CTNNA3: variants seen among roughly 807,000 people sequenced by gnomAD.
CTNNA3 encodes the protein catenin alpha-3.
In CTNNA3, 76 loss-of-function variants were observed where a neutral mutation model predicts 95.7. The ratio of observed to expected loss-of-function variants is 0.79; its 90% CI spans 0.66 to 0.96. The LOEUF (loss-of-function observed/expected upper bound fraction) is 0.96, where lower values mean the gene tolerates loss of function less well. Ranked by LOEUF, CTNNA3 falls within the 40% of genes least tolerant of loss-of-function variation. CTNNA3 has a pLI of 0.00. For missense variants in CTNNA3, 1,191 were observed against 1,089.8 expected (o/e 1.09, Z -1.31); for synonymous variants, 431 against 374.4 (o/e 1.15, Z -1.74).
At chr10:66,685,055 A>C (rs4520483) in intron 9 of CTNNA3, among the ~76,000 whole-genome samples, 82,574 of 149,542 alleles carry the variant, frequency 0.55, 23,500 homozygotes, top group African/African-American at 0.68. Context: ...CATTTGCTAC[A>C]TATAAAAATG....
chr10:67,717,193 G>C (rs2133616006), intron 1 of CTNNA3, among the ~76,000 whole-genome samples: 2 of 152,148 alleles, frequency 1.3e-5, no homozygotes, highest in South Asian at 4.2e-4. Context: ...ATTTCTTTAA[G>C]TTCCTTGTAG....
chr10:65,977,740 C>CA (rs1478580274), intron 16 of CTNNA3, among the ~76,000 whole-genome samples: 1 of 151,802 alleles, frequency 6.6e-6, no homozygotes, highest in African/African-American at 2.4e-5. Context: ...GACATCGTGC[C>CA]ACTACACTCC....
chr10:66,057,213 A>G (rs2133558042), intron 15 of CTNNA3, among the ~76,000 whole-genome samples: 1 of 152,284 alleles, frequency 6.6e-6, no homozygotes, highest in East Asian at 1.9e-4. Context: ...TAAAGTCTGG[A>G]TGAGCAGTCC....
At chr10:66,630,595 C>T (rs1488322382) in intron 9 of CTNNA3, among the ~76,000 whole-genome samples, 2 of 152,132 alleles carry the variant, frequency 1.3e-5, no homozygotes, top group African/African-American at 2.4e-5. Context: ...CTTCCATAGA[C>T]AAATCCAAGA....
chr10:66,155,887 C>T (rs1262161022), intron 13 of CTNNA3, among the ~76,000 whole-genome samples: 3 of 151,440 alleles, frequency 2.0e-5, no homozygotes, highest in Non-Finnish European at 4.4e-5. Flanking sequence ...GTGTGAGGAG[C>T]GTTTCCCAGA....
At position 66,841,240 on chromosome 10, in the gene CTNNA3, C is replaced by T. The variant is rs149659195; in HGVS notation, c.1048-65716G>A. On this transcript the variant is annotated intron_variant, in intron 7 of 17. Transcript: ENST00000433211. ...TTAGAAGTGTCTATTTACTTACAAA[C>T]GGTGTAACTGCAGTATATGTAGGGT... Among the ~76,000 whole-genome samples the T allele has an allele frequency of 5.3e-3, 810 of 152,148 alleles. 8 individuals are homozygous for T. Among genetic ancestry groups the T allele is most frequent in the African/African-American group, 0.018 (744 of 41,472 alleles).
chr10:66,373,843 TG>T (rs2092772457), intron 12 of CTNNA3, among the ~76,000 whole-genome samples: 1 of 152,224 alleles, frequency 6.6e-6, no homozygotes, highest in South Asian at 2.1e-4. Context: ...ACAATATTCA[TG>T]ATCAATTGTT....
At chr10:67,134,067 C>A (rs1259591014) in intron 7 of CTNNA3, among the ~76,000 whole-genome samples, 9 of 152,026 alleles carry the variant, frequency 5.9e-5, no homozygotes, top group African/African-American at 2.2e-4. Flanking sequence ...AGTCAGTAGC[C>A]GAACTGGGAT....
intron 4 of CTNNA3, among the ~76,000 whole-genome samples, chr10:67,532,195 C>T (rs1840349450): frequency 6.6e-6 from 1 of 152,158 alleles, no homozygotes. Flanking sequence ...TATGCTTTTA[C>T]ATATTTTGCC....
At chr10:66,232,832 T>C (rs1198001485) in intron 13 of CTNNA3, among the ~76,000 whole-genome samples, 1 of 152,158 alleles carries the variant, frequency 6.6e-6, no homozygotes. Context: ...GAAAATTGTA[T>C]CTTAACTTTT....
intron 1 of CTNNA3, among the ~76,000 whole-genome samples, chr10:67,686,163 A>G (rs1009104240): frequency 6.6e-6 from 1 of 152,224 alleles, no homozygotes; most frequent in South Asian, 2.1e-4. Context: ...TTAGATAAGC[A>G]TACTTGCTAT....
chr10:66,243,456 A>G (rs2090185002), intron 13 of CTNNA3, among the ~76,000 whole-genome samples: 1 of 151,862 alleles, frequency 6.6e-6, no homozygotes, highest in African/African-American at 2.4e-5. Flanking sequence ...GGTCTCCCAA[A>G]CCCCTTATCT....
rs764245184 is a variant in CTNNA3 at position 65,920,623 on chromosome 10, G to C, written c.2401-6C>G. Reference sequence around the variant, plus strand: ...AGGGATGTGACACTGTCCAACTGTAGGGAAAAAAGAGAAAAAAGAGCTATT... The same window carrying C: ...AGGGATGTGACACTGTCCAACTGTACGGAAAAAAGAGAAAAAAGAGCTATT... On this transcript the variant is annotated splice_polypyrimidine_tract_variant and splice_region_variant and intron_variant, in intron 17 of 17. Transcript: ENST00000433211. The C allele has an allele frequency of 6.3e-7, 1 of 1,598,376 alleles. No homozygotes were observed. Among genetic ancestry groups the C allele is most frequent in the East Asian group, 2.2e-5 (1 of 44,596 alleles).
At chr10:66,303,554 C>T (rs959960698) in intron 12 of CTNNA3, among the ~76,000 whole-genome samples, 13 of 151,790 alleles carry the variant, frequency 8.6e-5, no homozygotes, top group Admixed American at 5.9e-4. Context: ...ATTGGTTAGG[C>T]ATATGAAGTG....
At chr10:66,932,024 A>AG (rs1003193265) in intron 7 of CTNNA3, among the ~76,000 whole-genome samples, 4 of 152,152 alleles carry the variant, frequency 2.6e-5, no homozygotes, top group Admixed American at 6.5e-5. Context: ...GTGTCAAAGG[A>AG]GGGGGGCCTC....
At chr10:66,085,925 C>T (rs977108059) in intron 14 of CTNNA3, among the ~76,000 whole-genome samples, 3 of 152,156 alleles carry the variant, frequency 2.0e-5, no homozygotes, top group Admixed American at 6.6e-5. Flanking sequence ...CACCCCTTTG[C>T]TGCTGCAAGA....
At chr10:66,349,173 C>T (rs922068899) in intron 12 of CTNNA3, among the ~76,000 whole-genome samples, 3 of 152,062 alleles carry the variant, frequency 2.0e-5, no homozygotes, top group Non-Finnish European at 2.9e-5. Context: ...GGAAATCATA[C>T]AGCAAAACCT....
chr10:65,987,754 C>A (rs911920857), intron 16 of CTNNA3, among the ~76,000 whole-genome samples: 3 of 152,080 alleles, frequency 2.0e-5, no homozygotes, highest in Non-Finnish European at 4.4e-5. Context: ...CAGCACTGTT[C>A]ACAACCTGTC....
chr10:67,695,859 T>C (rs1840954825), intron 1 of CTNNA3, 141 bp downstream of exon 1: 4 of 152,204 alleles, frequency 2.6e-5, no homozygotes, highest in Admixed American at 2.6e-4. Flanking sequence ...CATTCCTATT[T>C]CATACAATAA....
Sources: allele counts gnomAD v4.1 joint callset (sites outside exome capture counted in the v4.1 genomes callset), GRCh38; gene constraint gnomAD v4.1.1; transcripts MANE v1.5; gene names NCBI Gene and HGNC (gene_info 2026-07-23, HGNC 2026-07-21).